Variants in EYA3 observed in about 807,000 individuals in gnomAD.
The protein encoded by EYA3 is protein phosphatase EYA3.
EYA3 carries 39 observed loss-of-function variants against 80.0 expected under a neutral mutation model. That is an observed-to-expected ratio of 0.49 (90% confidence interval 0.38 to 0.64). The LOEUF is 0.64. Ranked by LOEUF, EYA3 falls within the 30% of genes least tolerant of loss-of-function variation. The pLI is 0.00. For synonymous variants in EYA3, 206 were observed against 232.8 expected, an observed-to-expected ratio of 0.88 and a Z score of 1.05; for missense variants, 523 against 676.1, an observed-to-expected ratio of 0.77 and a Z score of 2.51.
intron 17 of EYA3, chr1:27,977,340 G>A: frequency 6.4e-7 from 1 of 1,550,568 alleles, no homozygotes; most frequent in Non-Finnish European, 8.7e-7. Flanking sequence ...TATCAGGGCA[G>A]TTGGTTCTAG....
chr1:28,067,196 C>T (rs1458507258), intron 1 of EYA3, among the ~76,000 whole-genome samples: 5 of 152,106 alleles, frequency 3.3e-5, no homozygotes, highest in Admixed American at 6.5e-5. Flanking sequence ...GAATTACATA[C>T]AGGGGGGAAA....
At chr1:28,011,799 A>G (rs758404076) in intron 9 of EYA3, among the ~76,000 whole-genome samples, 4 of 152,316 alleles carry the variant, frequency 2.6e-5, no homozygotes, top group East Asian at 1.9e-4. Flanking sequence ...ATCACAATTT[A>G]TGGACCTTAT....
chr1:27,971,841 T>C lies in EYA3; in HGVS notation c.*2625A>G, dbSNP rs1010277875. 2 of 152,132 alleles carry C rather than the reference T, an allele frequency of 1.3e-5. No individual in the cohort carries two copies. The highest frequency in any genetic ancestry group is 6.5e-5 in the Admixed American group (1 of 15,270). The allele number at this position is 152,132 out of a possible 1,614,324, so 9.4% of individuals were successfully genotyped here. On this transcript the variant is annotated 3_prime_UTR_variant, in exon 18 of 18. Coordinates refer to ENST00000373871, the MANE Select transcript of EYA3 (RefSeq NM_001990.4). ...AGGGTAATTACAGAGAGCACTGTGT[T>C]CCCTGGACAATTCATTTTGGCAAAC... is the stretch of plus-strand genomic sequence containing the variant.
At chr1:28,008,888 G>A (rs1641488995) in intron 10 of EYA3, among the ~76,000 whole-genome samples, 1 of 152,278 alleles carries the variant, frequency 6.6e-6, no homozygotes, top group South Asian at 2.1e-4. Context: ...AGGTTGCAAT[G>A]AGCCGAGATT....
At chr1:27,974,733 T>C (rs878896926) in intron 17 of EYA3, among the ~76,000 whole-genome samples, 187 bp from the exon 18 acceptor site, 2 of 152,248 alleles carry the variant, frequency 1.3e-5, no homozygotes, top group South Asian at 2.1e-4. Context: ...TTGCACACTT[T>C]AGAAATGTGA....
At position 27,973,994 on chromosome 1, in the gene EYA3, T is replaced by C. The variant is rs1638821130; in HGVS notation, c.*472A>G. ...CTGCATTTATCTGATCACCACAAGT[T>C]ATCAGTAATTCTCAATCTGGTCATG... On this transcript the variant is annotated 3_prime_UTR_variant, in exon 18 of 18. Coordinates refer to ENST00000373871, the MANE Select transcript of EYA3 (RefSeq NM_001990.4). 6.5e-6 allele frequency: 1 copy of C among 152,816 alleles called. No homozygotes were observed. Among genetic ancestry groups the C allele is most frequent in the Non-Finnish European group, 1.5e-5 (1 of 68,500 alleles). 9.5% of individuals were successfully genotyped at this position (152,816 alleles called of 1,614,324 possible).
rs760314826 is a variant in EYA3 at position 28,013,177 on chromosome 1, T to C, written c.703A>G (p.Thr235Ala). ...CTAGGCTTCTCCGACTGGTATGTGG[T>C]TGCTGCTAATGTGGTGCTCTCTGCA... ...SDAESTTLAATTYQSEKPSVM... is the reference protein window; with the variant it reads ...SDAESTTLAAATYQSEKPSVM... Residue 235 changes from threonine to alanine, a missense_variant, in exon 9 of 18, where the codon ACC (threonine) becomes GCC (alanine). Thr to Ala is a moderately conservative substitution (Grantham distance 58). This residue lies in a region of EYA3 where 304 missense variants were observed against 343.3 expected (regional missense o/e 0.89). Coordinates refer to ENST00000373871, the MANE Select transcript of EYA3 (RefSeq NM_001990.4). This position sits in a 1 kb window ranked among gnomAD's most constrained non-coding sequence, Gnocchi z 4.0. 3 of 1,614,012 alleles carry C rather than the reference T, an allele frequency of 1.9e-6. No individual in the cohort carries two copies. Among genetic ancestry groups the C allele is most frequent in the South Asian group, 1.1e-5 (1 of 91,084 alleles).
At chr1:28,010,806 G>C (rs1641639547) in intron 10 of EYA3, 141 bp downstream of exon 10, 2 of 914,708 alleles carry the variant, frequency 2.2e-6, no homozygotes, top group Non-Finnish European at 3.2e-6. Flanking sequence ...TTTTAACGTG[G>C]CCAATTTAGT....
At chr1:28,042,409 C>T (rs1232950704) in intron 4 of EYA3, among the ~76,000 whole-genome samples, 162 bp downstream of exon 4, 1 of 152,096 alleles carries the variant, frequency 6.6e-6, no homozygotes, top group Non-Finnish European at 1.5e-5. Flanking sequence ...GTCAATAAAG[C>T]TTACAGGAGG....
chr1:28,073,127 A>ATATATATATATATATATTTTT, intron 1 of EYA3, among the ~76,000 whole-genome samples: 1 of 14,998 alleles, frequency 6.7e-5, no homozygotes, highest in Non-Finnish European at 1.1e-4. Context: ...ATATATATAT[A>ATATATATATATATATATTTTT]TTTTTTTTTT....
intron 17 of EYA3, chr1:27,976,993 T>C (rs1046006115): frequency 1.0e-6 from 1 of 983,910 alleles, no homozygotes; most frequent in Non-Finnish European, 1.2e-6. Flanking sequence ...GCTAGGATTA[T>C]AGGCATGAGC....
intron 16 of EYA3, 86 bp downstream of exon 16, chr1:27,988,449 C>T: frequency 6.8e-7 from 1 of 1,471,436 alleles, no homozygotes; most frequent in Admixed American, 2.1e-5. Context: ...AAGTGTCTAA[C>T]AAGAGGGGCT....
chr1:28,003,025 G>C (rs932354019), intron 11 of EYA3, among the ~76,000 whole-genome samples: 6 of 151,254 alleles, frequency 4.0e-5, no homozygotes, highest in African/African-American at 4.9e-5. Flanking sequence ...GGGAGGCCGA[G>C]GTGGGCGGAT....
chr1:28,038,924 C>T lies in EYA3; in HGVS notation c.158-19G>A, dbSNP rs1159233646. On this transcript the variant is annotated intron_variant, in intron 4 of 17. Transcript: ENST00000373871. ...GTCATAACTGAAAGAAAGATAATAT[C>T]ACCAGGTTAAAAAGTTAGAACATTT... is the stretch of plus-strand genomic sequence containing the variant. 6.4e-7 allele frequency: 1 copy of T among 1,565,330 alleles called. No individual in the cohort carries two copies. Among genetic ancestry groups the T allele is most frequent in the Admixed American group, 1.7e-5 (1 of 58,634 alleles).
intron 6 of EYA3, among the ~76,000 whole-genome samples, chr1:28,032,576 G>GC (rs576205356): frequency 1.1e-3 from 163 of 152,144 alleles, no homozygotes; most frequent in Non-Finnish European, 8.1e-4. Context: ...CAGAACAGTG[G>GC]CACCTAAAGG....
intron 14 of EYA3, chr1:27,990,485 C>A (rs1276123386): frequency 6.6e-6 from 1 of 151,530 alleles, no homozygotes; most frequent in Non-Finnish European, 1.5e-5. Context: ...GTCGGGAGGC[C>A]AGTGTTGGCG....
chr1:28,042,741 T>C, intron 3 of EYA3, 91 bp from the exon 4 acceptor site: 2 of 989,790 alleles, frequency 2.0e-6, no homozygotes, highest in South Asian at 2.7e-5. Context: ...TCCTAGGCTA[T>C]ATAAGTAAGA....
In EYA3 at chr1:28,017,255, G is replaced by A. The variant is rs939764697; in HGVS notation, c.500-16C>T. 25 of 1,580,974 alleles carry A rather than the reference G, an allele frequency of 1.6e-5. No homozygotes were observed. Among genetic ancestry groups the A allele is most frequent in the Admixed American group, 5.0e-5 (3 of 59,696 alleles). On this transcript the variant is annotated splice_polypyrimidine_tract_variant and intron_variant, in intron 7 of 17. Coordinates refer to ENST00000373871, the MANE Select transcript of EYA3 (RefSeq NM_001990.4). ...GTGCTTGAAGCTAGAGGATTGATGG[G>A]GTTAAAAGATATTAAAGATATTATG...
intron 8 of EYA3, among the ~76,000 whole-genome samples, chr1:28,016,745 A>T (rs1351568329): frequency 6.6e-6 from 1 of 152,178 alleles, no homozygotes. Context: ...GACCACAAAA[A>T]ATTCATAAAG....
Sources: allele counts gnomAD v4.1 joint callset (sites outside exome capture counted in the v4.1 genomes callset), GRCh38; gene constraint gnomAD v4.1.1; regional missense constraint gnomAD v4.1.1; non-coding constraint Gnocchi (gnomAD v3.1); transcripts MANE v1.5; gene names NCBI Gene and HGNC (gene_info 2026-07-23, HGNC 2026-07-21).